Variants in CTNNA3 observed in about 807,000 individuals in gnomAD.
The protein encoded by CTNNA3 is catenin alpha 3, also known as catenin alpha-3.
A neutral mutation model predicts 95.7 loss-of-function variants in CTNNA3; 76 were observed. The ratio of observed to expected loss-of-function variants is 0.79; its 90% CI spans 0.66 to 0.96. The LOEUF is 0.96. CTNNA3 is among the 40% of genes least tolerant of loss of function. CTNNA3 has a pLI of 0.00. For synonymous variants in CTNNA3, 431 were observed against 374.4 expected, an observed-to-expected ratio of 1.15 and a Z score of -1.74; for missense variants, 1,191 against 1,089.8, an observed-to-expected ratio of 1.09 and a Z score of -1.31.
At chr10:66,160,700 G>T (rs2084798275) in intron 13 of CTNNA3, among the ~76,000 whole-genome samples, 1 of 152,030 alleles carries the variant, frequency 6.6e-6, no homozygotes, top group Non-Finnish European at 1.5e-5. Context: ...TAAGTCATTT[G>T]TTCCAAGGTA....
intron 15 of CTNNA3, among the ~76,000 whole-genome samples, chr10:66,039,796 A>G (rs1313541835): frequency 6.6e-6 from 1 of 152,208 alleles, no homozygotes; most frequent in African/African-American, 2.4e-5. Flanking sequence ...AACCTAGGCA[A>G]TACCATTTTG....
intron 7 of CTNNA3, among the ~76,000 whole-genome samples, chr10:66,851,633 TACACACACACACACACAC>T (rs35986426): frequency 1.5e-4 from 21 of 144,344 alleles, no homozygotes; most frequent in Non-Finnish European, 2.0e-4. Context: ...TTCTCTCACA[TACACACACACACACACAC>T]ACACACACAC....
intron 1 of CTNNA3, among the ~76,000 whole-genome samples, chr10:67,723,169 T>G (rs1841190100): frequency 6.6e-6 from 1 of 152,020 alleles, no homozygotes; most frequent in South Asian, 2.1e-4. Context: ...GTATTTTTAG[T>G]TGAGATGGGG....
intron 11 of CTNNA3, among the ~76,000 whole-genome samples, chr10:66,490,123 G>T (rs559781429): frequency 2.0e-5 from 3 of 152,066 alleles, no homozygotes; most frequent in Non-Finnish European, 4.4e-5. Context: ...GACTAACTTT[G>T]GTGCCTCATT....
At chr10:67,717,003 T>C (rs758015242) in intron 1 of CTNNA3, among the ~76,000 whole-genome samples, 37 of 152,356 alleles carry the variant, frequency 2.4e-4, no homozygotes, top group Middle Eastern at 3.4e-3. Flanking sequence ...GATTTTTTAA[T>C]GATCGCCAGT....
intron 7 of CTNNA3, among the ~76,000 whole-genome samples, chr10:66,783,740 C>T (rs542763141): frequency 6.6e-5 from 10 of 152,194 alleles, no homozygotes; most frequent in East Asian, 1.9e-4. Context: ...ATTATTTTCC[C>T]GCTTTTAAAT....
At chr10:67,142,016 C>T (rs934983933) in intron 7 of CTNNA3, among the ~76,000 whole-genome samples, 5 of 151,976 alleles carry the variant, frequency 3.3e-5, no homozygotes, top group African/African-American at 1.2e-4. Context: ...TAGCTTGATG[C>T]AATTTTTCCA....
At chr10:67,068,388 C>T (rs556689459) in intron 7 of CTNNA3, among the ~76,000 whole-genome samples, 5 of 152,212 alleles carry the variant, frequency 3.3e-5, no homozygotes, top group African/African-American at 7.2e-5. Flanking sequence ...GCATGTGTTA[C>T]GTTGGGGGAC....
chr10:67,193,444 A>C (rs76694418), intron 6 of CTNNA3, among the ~76,000 whole-genome samples: 11,327 of 151,982 alleles, frequency 0.075, 600 homozygotes, highest in African/African-American at 0.15. Flanking sequence ...TTATTTTGTC[A>C]CCAGGTATTA....
intron 5 of CTNNA3, among the ~76,000 whole-genome samples, chr10:67,319,379 A>G (rs1405443616): frequency 1.3e-5 from 2 of 152,212 alleles, no homozygotes; most frequent in Non-Finnish European, 2.9e-5. Context: ...CATAGGGACC[A>G]GGGGTAATCT....
intron 1 of CTNNA3, among the ~76,000 whole-genome samples, chr10:67,720,362 G>T (rs376047248): frequency 1.3e-5 from 2 of 151,090 alleles, no homozygotes; most frequent in Non-Finnish European, 2.9e-5. Flanking sequence ...TACATTTAAG[G>T]TTAATATTGT....
chr10:66,509,528 G>C (rs1840581585), intron 11 of CTNNA3, among the ~76,000 whole-genome samples: 1 of 151,798 alleles, frequency 6.6e-6, no homozygotes, highest in African/African-American at 2.4e-5. Flanking sequence ...AATCCATTTT[G>C]AGTTGATTTT....
chr10:66,100,708 C>T (rs938337490), intron 14 of CTNNA3, among the ~76,000 whole-genome samples: 3 of 152,140 alleles, frequency 2.0e-5, no homozygotes, highest in African/African-American at 7.2e-5. Flanking sequence ...CTATAATGGG[C>T]AGCCAGTCAT....
intron 16 of CTNNA3, among the ~76,000 whole-genome samples, chr10:65,967,868 T>C (rs1172067632): frequency 6.6e-6 from 1 of 152,206 alleles, no homozygotes; most frequent in Non-Finnish European, 1.5e-5. Flanking sequence ...CAGTGATTTA[T>C]ATGCAAAGAT....
chr10:66,721,045 C>A (rs1384982153), intron 9 of CTNNA3, among the ~76,000 whole-genome samples: 1 of 152,138 alleles, frequency 6.6e-6, no homozygotes, highest in African/African-American at 2.4e-5. Flanking sequence ...GATGGGGCCA[C>A]AGACTTTTTG....
At chr10:66,797,652 C>T (rs1841259756) in intron 7 of CTNNA3, among the ~76,000 whole-genome samples, 1 of 151,880 alleles carries the variant, frequency 6.6e-6, no homozygotes, top group South Asian at 2.1e-4. Flanking sequence ...CGTGATTTTG[C>T]TGTTTTTAAA....
chr10:67,652,701 T>C (rs999089483), intron 1 of CTNNA3, among the ~76,000 whole-genome samples: 2 of 142,488 alleles, frequency 1.4e-5, no homozygotes, highest in African/African-American at 2.9e-5. Flanking sequence ...ATACGAATTA[T>C]AACATTTTTG....
At chr10:67,418,551 CAT>C (rs1284184533) in intron 5 of CTNNA3, among the ~76,000 whole-genome samples, 1 of 148,692 alleles carries the variant, frequency 6.7e-6, no homozygotes, top group African/African-American at 2.5e-5. Context: ...TTTGCAACAA[CAT>C]GGGTGAACTT....
intron 1 of CTNNA3, among the ~76,000 whole-genome samples, chr10:67,684,162 G>A (rs1840683821): frequency 6.6e-6 from 1 of 152,140 alleles, no homozygotes; most frequent in Non-Finnish European, 1.5e-5. Context: ...GTTTTACAGA[G>A]TGCTGATTGG....
Sources: gnomAD v4.1 joint callset for allele counts (sites outside exome capture counted in the v4.1 genomes callset) on GRCh38, gnomAD v4.1.1 for gene constraint, MANE v1.5 for transcripts, NCBI Gene and HGNC (gene_info 2026-07-23, HGNC 2026-07-21) for gene names.